Variants in LRMDA observed in about 807,000 individuals in gnomAD.
The protein encoded by LRMDA is leucine-rich melanocyte differentiation-associated protein.
LRMDA carries 18 observed loss-of-function variants against 29.8 expected under a neutral mutation model. That is an observed-to-expected ratio of 0.60 (90% confidence interval 0.42 to 0.90). LRMDA has a LOEUF of 0.90. LRMDA is among the 40% of genes least tolerant of loss of function. The probability of loss-of-function intolerance (pLI) is 0.00; values close to 1 mark genes in which losing one functional copy is unlikely to be tolerated. For missense variants in LRMDA, 273 were observed against 273.9 expected (o/e 1.00, Z 0.02); for synonymous variants, 125 against 109.4 (o/e 1.14, Z -0.89).
At chr10:75,846,564 G>C (rs898108235) in intron 2 of LRMDA, among the ~76,000 whole-genome samples, 1 of 152,096 alleles carries the variant, frequency 6.6e-6, no homozygotes, top group Non-Finnish European at 1.5e-5. Flanking sequence ...TAACATTGCC[G>C]TTTAGATTAG....
At chr10:75,750,276 G>A (rs1398970465) in intron 2 of LRMDA, among the ~76,000 whole-genome samples, 10 of 151,062 alleles carry the variant, frequency 6.6e-5, no homozygotes, top group South Asian at 2.1e-4. Flanking sequence ...CCTCCCCGCC[G>A]GGGCGGCTGG....
intron 2 of LRMDA, among the ~76,000 whole-genome samples, chr10:75,905,236 CTTTT>C (rs200409197): frequency 0.01 from 1,385 of 132,992 alleles, 13 homozygotes; most frequent in East Asian, 0.057. Context: ...TCTCCTGCCT[CTTTT>C]TTTTTTTTTT....
intron 2 of LRMDA, among the ~76,000 whole-genome samples, chr10:75,524,007 A>G (rs1845388881): frequency 6.6e-6 from 1 of 152,226 alleles, no homozygotes; most frequent in South Asian, 2.1e-4. Flanking sequence ...TCTCATCTGC[A>G]GTATGGGGAT....
At chr10:76,091,276 CGTGTGTGTGTGTGTGTGT>C (rs56145957) in intron 5 of LRMDA, among the ~76,000 whole-genome samples, 4 of 146,800 alleles carry the variant, frequency 2.7e-5, no homozygotes, top group South Asian at 2.3e-4. Flanking sequence ...ACATGGTGGA[CGTGTGTGTGTGTGTGTGT>C]GTGTGTGTGT....
intron 6 of LRMDA, among the ~76,000 whole-genome samples, chr10:76,375,333 A>G (rs1841503847): frequency 6.6e-6 from 1 of 151,330 alleles, no homozygotes; most frequent in Non-Finnish European, 1.5e-5. Flanking sequence ...AAAAAAAAAT[A>G]TGTTACCAGA....
At chr10:76,269,403 A>C (rs1259617740) in intron 5 of LRMDA, among the ~76,000 whole-genome samples, 1 of 152,196 alleles carries the variant, frequency 6.6e-6, no homozygotes, top group Non-Finnish European at 1.5e-5. Flanking sequence ...AAGGCCACTC[A>C]TGACTGTGCC....
At chr10:75,581,404 A>T (rs547748735) in intron 2 of LRMDA, among the ~76,000 whole-genome samples, 129 of 152,358 alleles carry the variant, frequency 8.5e-4, no homozygotes, top group Middle Eastern at 3.4e-3. Flanking sequence ...ATCATTAAAA[A>T]GTCAGGAAAC....
intron 2 of LRMDA, among the ~76,000 whole-genome samples, chr10:75,828,026 C>A (rs796156545): frequency 6.6e-6 from 1 of 152,166 alleles, no homozygotes; most frequent in South Asian, 2.1e-4. Context: ...TTCCTCAACC[C>A]CATTTTCATT....
chr10:75,914,977 C>T (rs1256303268), intron 2 of LRMDA, among the ~76,000 whole-genome samples: 2 of 152,076 alleles, frequency 1.3e-5, no homozygotes, highest in African/African-American at 4.8e-5. Flanking sequence ...CTCACTGGCC[C>T]ATTGAAGAAC....
intron 5 of LRMDA, among the ~76,000 whole-genome samples, chr10:76,253,927 A>C (rs1038746546): frequency 7.2e-5 from 11 of 152,102 alleles, no homozygotes; most frequent in Non-Finnish European, 1.3e-4. Context: ...GTCTAGCCCA[A>C]GGATATAATT....
chr10:76,409,567 T>A (rs2132506359), intron 6 of LRMDA, among the ~76,000 whole-genome samples: 1 of 152,324 alleles, frequency 6.6e-6, no homozygotes, highest in East Asian at 1.9e-4. Context: ...CTAGCCTTTT[T>A]TTAGTGCATA....
At chr10:76,489,172 A>G (rs955909762) in intron 6 of LRMDA, among the ~76,000 whole-genome samples, 2 of 151,848 alleles carry the variant, frequency 1.3e-5, no homozygotes, top group Non-Finnish European at 2.9e-5. Context: ...GAGACTTTTT[A>G]TTACAGCTTC....
chr10:76,105,427 G>T (rs7899083), intron 5 of LRMDA, among the ~76,000 whole-genome samples: 72,783 of 151,520 alleles, frequency 0.48, 17,767 homozygotes, highest in Non-Finnish European at 0.51. Flanking sequence ...GGGGGTGGGG[G>T]GGAAGAGTCT....
intron 6 of LRMDA, among the ~76,000 whole-genome samples, chr10:76,342,962 G>T (rs981185938): frequency 2.7e-5 from 4 of 150,666 alleles, no homozygotes; most frequent in African/African-American, 9.7e-5. Flanking sequence ...TTTAACAACC[G>T]GGTCTGGGGG....
At chr10:75,813,610 G>A (rs1353797679) in intron 2 of LRMDA, among the ~76,000 whole-genome samples, 3 of 152,218 alleles carry the variant, frequency 2.0e-5, no homozygotes, top group South Asian at 4.2e-4. Context: ...GGACAGATAC[G>A]CGTTACTCCA....
chr10:76,081,844 A>G (rs1462063148), intron 5 of LRMDA, among the ~76,000 whole-genome samples: 1 of 152,250 alleles, frequency 6.6e-6, no homozygotes, highest in African/African-American at 2.4e-5. Context: ...CTATATATGC[A>G]TGTTATGTAA....
intron 2 of LRMDA, among the ~76,000 whole-genome samples, chr10:75,446,418 A>G (rs981931896): frequency 6.6e-6 from 1 of 152,192 alleles, no homozygotes. Flanking sequence ...GGGCCATTTC[A>G]CTATGGTTGT....
At chr10:76,450,916 A>G (rs1008004768) in intron 6 of LRMDA, among the ~76,000 whole-genome samples, 12 of 152,226 alleles carry the variant, frequency 7.9e-5, no homozygotes, top group African/African-American at 2.9e-4. Context: ...TCATGTAAAA[A>G]TAAAATTTCA....
At chr10:75,725,283 C>T (rs1842618008) in intron 2 of LRMDA, among the ~76,000 whole-genome samples, 1 of 152,138 alleles carries the variant, frequency 6.6e-6, no homozygotes, top group African/African-American at 2.4e-5. Context: ...TTATTTTCTG[C>T]AGTAGCCACT....
Sources: gnomAD v4.1 joint callset for allele counts (sites outside exome capture counted in the v4.1 genomes callset) on GRCh38, gnomAD v4.1.1 for gene constraint, MANE v1.5 for transcripts, NCBI Gene and HGNC (gene_info 2026-07-23, HGNC 2026-07-21) for gene names.